The following XRN1 variants were observed in gnomAD, a reference collection of about 807,000 sequenced individuals.
XRN1 encodes 5'-3' exoribonuclease 1.
A neutral mutation model predicts 222.3 loss-of-function variants in XRN1; 67 were observed. The observed-to-expected ratio is 0.30, with a 90% CI of 0.25 to 0.37. XRN1 has a LOEUF of 0.37. Among genes scored for constraint, XRN1 ranks in the 10% least tolerant of loss-of-function variants. XRN1 has a pLI of 1.00. For missense variants in XRN1, 1,707 were observed against 2,000.2 expected, an observed-to-expected ratio of 0.85 and a Z score of 2.80; for synonymous variants, 643 against 652.4, an observed-to-expected ratio of 0.99 and a Z score of 0.22.
At chr3:142,377,667 A>G (rs1445740965) in intron 23 of XRN1, among the ~76,000 whole-genome samples, 2 of 152,216 alleles carry the variant, frequency 1.3e-5, no homozygotes, top group East Asian at 3.8e-4. Flanking sequence ...CATTAAAACC[A>G]TCACAAACAT....
intron 1 of XRN1, among the ~76,000 whole-genome samples, chr3:142,446,678 C>G (rs2070517721): frequency 6.6e-6 from 1 of 152,170 alleles, no homozygotes; most frequent in South Asian, 2.1e-4. Context: ...CAAGAAAAGC[C>G]AAAGTTGGTT....
chr3:142,412,390 C>T (rs2068619787), intron 15 of XRN1, among the ~76,000 whole-genome samples, 154 bp downstream of exon 15: 1 of 152,162 alleles, frequency 6.6e-6, no homozygotes, highest in Non-Finnish European at 1.5e-5. Context: ...TTATAATTGG[C>T]ATACCTGGAA....
In XRN1 at chr3:142,329,540, G is replaced by A; in HGVS notation, c.4298C>T (p.Ala1433Val). 1.2e-6 allele frequency: 2 copies of A among 1,600,800 alleles called. No individual in the cohort carries two copies. The highest frequency in any genetic ancestry group is 3.5e-5 in the Admixed American group (2 of 57,056). The change falls in exon 37 of 41, where the codon GCC becomes GTC. Residue 1433 changes from alanine to valine, a missense_variant. Coordinates refer to ENST00000392981, the MANE Select transcript of XRN1 (RefSeq NM_001282857.2). ...GGATACAGGAGGGATCTGGCTGGGG[G>A]CAGGCCAACACATATTGTCCATAGA... ...VQSMDNMCWP[A>V]PSQIPPVSTP...
Position 142,432,709 on chromosome 3 carries a change from C to A in XRN1, c.260G>T (p.Gly87Val). Residue 87 changes from glycine to valine, a missense_variant, in exon 2 of 41, where the codon GGT (glycine) becomes GTT (valine). Physicochemically the swap from Gly to Val is moderately radical, Grantham distance 109. This residue lies in a region of XRN1 where 1,234 missense variants were observed against 1,518.2 expected (regional missense o/e 0.81). Transcript: ENST00000392981. ...PRKVFFMAVD[G>V]VAPRAKMNQQ... ...GTTCATTTTTGCTCGAGGAGCCACA[C>A]CATCTACAGCCATAAAGAACACTTT... 6.2e-7 allele frequency: 1 copy of A among 1,612,556 alleles called. No individual in the cohort carries two copies. Among genetic ancestry groups the A allele is most frequent in the Non-Finnish European group, 8.5e-7 (1 of 1,179,246 alleles).
intron 32 of XRN1, among the ~76,000 whole-genome samples, chr3:142,350,122 T>C (rs759018825): frequency 7.9e-5 from 12 of 152,160 alleles, no homozygotes; most frequent in East Asian, 1.9e-4. Flanking sequence ...GGTTAGATTA[T>C]AGAAGGCCTT....
chr3:142,418,513 A>G lies in XRN1; in HGVS notation c.1337T>C (p.Val446Ala). 1 of 1,609,072 alleles carries G rather than the reference A, an allele frequency of 6.2e-7. No individual in the cohort carries two copies. Among genetic ancestry groups the G allele is most frequent in the Non-Finnish European group, 8.5e-7 (1 of 1,177,712 alleles). Residue 446 changes from valine (V) to alanine (A), a missense_variant, in exon 12 of 41, where the codon GTA becomes GCA. Val to Ala is a moderately conservative substitution (Grantham distance 64, BLOSUM62 0). Transcript: ENST00000392981. ...TYYMTKMGVD[V>A]VSDDFLADQA... ...ATTGGCAAAAACGTACTCAGATACT[A>G]CGTCAACCCCCATCTTCGTCATGTA...
chr3:142,410,498 T>TTG (rs2068527340), intron 15 of XRN1, among the ~76,000 whole-genome samples: 2 of 134,018 alleles, frequency 1.5e-5, no homozygotes, highest in African/African-American at 5.8e-5. Flanking sequence ...TTTTTTTTTT[T>TTG]TTTTTTTTTT....
chr3:142,359,815 C>T (rs764551968), intron 30 of XRN1, 47 bp downstream of exon 30: 1 of 1,384,494 alleles, frequency 7.2e-7, no homozygotes, highest in Non-Finnish European at 1.0e-6. Flanking sequence ...AGTCACTGGC[C>T]ACATGAACAT....
chr3:142,400,610 C>A, intron 18 of XRN1, 63 bp from the exon 19 acceptor site: 1 of 1,278,438 alleles, frequency 7.8e-7, no homozygotes, highest in Non-Finnish European at 1.1e-6. Flanking sequence ...TTTACACAGG[C>A]AAAATTTTCC....
intron 37 of XRN1, among the ~76,000 whole-genome samples, chr3:142,327,843 C>T (rs2065563871): frequency 6.6e-6 from 1 of 152,106 alleles, no homozygotes. Flanking sequence ...GCCCATCCCC[C>T]ACCCTTCCAA....
Position 142,310,277 on chromosome 3 carries a change from T to C in XRN1, c.*1234A>G, listed in dbSNP as rs1474603275. The C allele has an allele frequency of 1.3e-5, 2 of 152,392 alleles. No homozygotes were observed. The highest frequency in any genetic ancestry group is 2.4e-5 in the African/African-American group (1 of 41,432). 9.4% of individuals were successfully genotyped at this position (152,392 alleles called of 1,614,324 possible). ...TGTGGTTCCTACTTTTAAAAAAGTA[T>C]GCTATAACTTACTTCCTTAAAAATA... On this transcript the variant is annotated 3_prime_UTR_variant, in exon 41 of 41. Transcript: ENST00000392981.
chr3:142,416,840 T>G (rs1338865074), intron 13 of XRN1, among the ~76,000 whole-genome samples: 3 of 151,936 alleles, frequency 2.0e-5, no homozygotes, highest in Admixed American at 2.0e-4. Flanking sequence ...GAGACTAGCC[T>G]GGCCAACATG....
intron 8 of XRN1, 127 bp downstream of exon 8, chr3:142,422,455 C>G: frequency 1.9e-6 from 2 of 1,037,520 alleles, no homozygotes; most frequent in South Asian, 3.0e-5. Flanking sequence ...GCACCTTAGA[C>G]CAAAATAAAT....
chr3:142,436,881 G>A (rs1372476842), intron 1 of XRN1, among the ~76,000 whole-genome samples: 2 of 152,098 alleles, frequency 1.3e-5, no homozygotes, highest in Non-Finnish European at 2.9e-5. Flanking sequence ...GTCAACCATG[G>A]ATGATGAAAG....
Position 142,447,930 on chromosome 3 carries a change from C to G in XRN1, c.15G>C (p.Lys5Asn). 1.2e-6 allele frequency: 2 copies of G among 1,614,002 alleles called. No homozygotes were observed. The highest frequency in any genetic ancestry group is 2.2e-5 in the East Asian group (1 of 44,860). MGVP[K>N]FYRWISERYP... ...ACCGCTCTGAGATCCATCTGTAAAA[C>G]TTGGGGACTCCCATTTCGATCGTCA... is the stretch of plus-strand genomic sequence containing the variant. The change falls in exon 1 of 41, where the codon AAG becomes AAC. Residue 5 changes from lysine to asparagine, a missense_variant. Coordinates refer to ENST00000392981, the MANE Select transcript of XRN1 (RefSeq NM_001282857.2). The surrounding 1 kb of genome is among the most constrained non-coding windows in gnomAD (Gnocchi z 4.2).
rs373959217 is a variant in XRN1, at chr3:142,386,967, A to G, written c.2340-2282T>C. Among the ~76,000 whole-genome samples the G allele has an allele frequency of 4.6e-5, 7 of 152,330 alleles. No homozygotes were observed. In the East Asian group the frequency reaches 7.7e-4, roughly 17 times the overall value. On this transcript the variant is annotated intron_variant, in intron 20 of 40. Transcript: ENST00000392981. ...ATGTAGGCATATGCTATGAAGCAGTAATTCTACTCTTAGATATATACCCAA... is the reference window on the plus strand; with the variant it reads ...ATGTAGGCATATGCTATGAAGCAGTGATTCTACTCTTAGATATATACCCAA...
At chr3:142,420,247 G>A (rs1189906035) in intron 10 of XRN1, 1 of 152,086 alleles carries the variant, frequency 6.6e-6, no homozygotes, top group Admixed American at 6.5e-5. Flanking sequence ...CATAAGTCAC[G>A]CAGTTCAGTT....
At position 142,311,493 on chromosome 3, in the gene XRN1, TA is replaced by T. The variant is rs1418406043; in HGVS notation, c.*17del. On this transcript the variant is annotated 3_prime_UTR_variant, in exon 41 of 41. Coordinates refer to ENST00000392981, the MANE Select transcript of XRN1 (RefSeq NM_001282857.2). Reference sequence around the variant, plus strand: ...TAGATGGAAAGAGAAGAAATTAACTTAATTCTAAGAGCCAAATTTACTCAGA... The same window carrying T: ...TAGATGGAAAGAGAAGAAATTAACTTATTCTAAGAGCCAAATTTACTCAGA... 6.4e-7 allele frequency: 1 copy of T among 1,555,726 alleles called. No individual in the cohort carries two copies. The highest frequency in any genetic ancestry group is 2.3e-5 in the East Asian group (1 of 44,338).
chr3:142,356,828 A>G, intron 31 of XRN1, 84 bp downstream of exon 31: 1 of 1,403,240 alleles, frequency 7.1e-7, no homozygotes, highest in South Asian at 1.3e-5. Flanking sequence ...AAACTAAGTT[A>G]AATTAGGTTT....
Sources: allele counts gnomAD v4.1 joint callset (sites outside exome capture counted in the v4.1 genomes callset), GRCh38; gene constraint gnomAD v4.1.1; regional missense constraint gnomAD v4.1.1; non-coding constraint Gnocchi (gnomAD v3.1); transcripts MANE v1.5; gene names NCBI Gene and HGNC (gene_info 2026-07-23, HGNC 2026-07-21).